The following CCDC198 variants were observed in gnomAD, a reference collection of about 807,000 sequenced individuals.
CCDC198 encodes the protein factor associated with metabolism and energy.
A neutral mutation model predicts 35.6 loss-of-function variants in CCDC198; 18 were observed. That is an observed-to-expected ratio of 0.51 (90% CI 0.35 to 0.75). The LOEUF is 0.75. CCDC198 is among the 30% of genes least tolerant of loss of function. The pLI is 0.01. For missense variants in CCDC198, 365 were observed against 343.7 expected (o/e 1.06, Z -0.49); for synonymous variants, 119 against 113.4 (o/e 1.05, Z -0.31).
intron 5 of CCDC198, among the ~76,000 whole-genome samples, chr14:57,472,994 T>C (rs1240840840): frequency 6.6e-6 from 1 of 152,242 alleles, no homozygotes; most frequent in Non-Finnish European, 1.5e-5. Flanking sequence ...CCTTGATATC[T>C]GAAGTTGTGT....
intron 1 of CCDC198, among the ~76,000 whole-genome samples, chr14:57,492,945 A>T (rs892807154): frequency 7.4e-4 from 112 of 152,230 alleles, no homozygotes; most frequent in African/African-American, 2.5e-3. Context: ...AGTTCTGCAG[A>T]TGACCATGAA....
At chr14:57,492,874 C>T (rs1325615620) in intron 1 of CCDC198, among the ~76,000 whole-genome samples, 2 of 152,056 alleles carry the variant, frequency 1.3e-5, no homozygotes, top group African/African-American at 4.8e-5. Context: ...TATAAAATAT[C>T]CCAGGATTTA....
chr14:57,487,334 A>G (rs529153699), intron 2 of CCDC198, among the ~76,000 whole-genome samples: 1 of 152,180 alleles, frequency 6.6e-6, no homozygotes, highest in African/African-American at 2.4e-5. Flanking sequence ...GTGAAGGGCC[A>G]GGGGACTCAA....
chr14:57,477,405 A>G (rs1416997923), intron 5 of CCDC198, among the ~76,000 whole-genome samples: 5 of 152,350 alleles, frequency 3.3e-5, no homozygotes, highest in African/African-American at 9.6e-5. Flanking sequence ...TGATATCATT[A>G]TAATAGGAAG....
chr14:57,480,731 ACTTTT>A lies in CCDC198; in HGVS notation c.514_518del (p.Lys172SerfsTer8). The A allele has an allele frequency of 6.2e-7, 1 of 1,614,030 alleles. No individual in the cohort carries two copies. The highest frequency in any genetic ancestry group is 8.5e-7 in the Non-Finnish European group (1 of 1,179,966). On this transcript the variant is annotated frameshift_variant, in exon 5 of 6. Transcript: ENST00000216445. LOFTEE classifies it high-confidence loss of function. ...TATTAATTCTTGCCTCTCCATGAAG[ACTTTT>A]CTTTAACTCCATTTGGGCCTGAAAA...
chr14:57,476,982 A>G (rs1000500759), intron 5 of CCDC198, among the ~76,000 whole-genome samples: 4 of 152,252 alleles, frequency 2.6e-5, no homozygotes, highest in Non-Finnish European at 4.4e-5. Flanking sequence ...CTCAGGAGTC[A>G]GGTGCCCCGT....
At chr14:57,493,469 T>C in intron 1 of CCDC198, 24 bp downstream of exon 1, 1 of 1,579,312 alleles carries the variant, frequency 6.3e-7, no homozygotes, top group Non-Finnish European at 8.7e-7. Context: ...GATACACACA[T>C]CTCATGCTGG....
Position 57,473,546 on chromosome 14 carries a change from T to C in CCDC198, c.656-1956A>G, listed in dbSNP as rs559801993. On this transcript the variant is annotated intron_variant, in intron 5 of 5. Coordinates refer to ENST00000216445, the MANE Select transcript of CCDC198 (RefSeq NM_018168.4). ...CACCTGATAATTCTGATCATTCTGT[T>C]TCCTAAAGATCTCATATCTGGCTGC... 5.3e-5 allele frequency among the ~76,000 whole-genome samples: 8 copies of C among 152,286 alleles called. 1 individual carries two copies. Among genetic ancestry groups the C allele is most frequent in the African/African-American group, 1.9e-4 (8 of 41,546 alleles).
intron 5 of CCDC198, chr14:57,475,788 C>CT (rs548486752): frequency 0.033 from 3,545 of 108,518 alleles, 635 homozygotes; most frequent in East Asian, 0.072. Flanking sequence ...CACTTAGCTT[C>CT]TTTTTTTTTT....
chr14:57,488,891 G>A (rs970994933), intron 2 of CCDC198, among the ~76,000 whole-genome samples: 9 of 152,264 alleles, frequency 5.9e-5, no homozygotes, highest in Admixed American at 5.2e-4. Flanking sequence ...TGGAGAGGTT[G>A]CGGAGAAAAA....
intron 3 of CCDC198, among the ~76,000 whole-genome samples, chr14:57,482,545 A>C (rs1313654548): frequency 6.6e-6 from 1 of 152,184 alleles, no homozygotes. Flanking sequence ...TTTCATTTCT[A>C]TGTGAGGGGA....
intron 2 of CCDC198, 114 bp from the exon 3 acceptor site, chr14:57,483,265 G>A: frequency 6.8e-7 from 1 of 1,477,338 alleles, no homozygotes; most frequent in Non-Finnish European, 9.2e-7. Context: ...TTATTTCTGA[G>A]AGCATACAGG....
In CCDC198 at chr14:57,475,304, T is replaced by A. The variant is rs934830082; in HGVS notation, c.656-3714A>T. 147 of 745,238 alleles carry A rather than the reference T, an allele frequency of 2.0e-4. 2 individuals carry two copies. The highest frequency in any genetic ancestry group is 1.8e-4 in the Non-Finnish European group (114 of 619,748). The allele number at this position is 745,238 out of a possible 1,614,324, so 46.2% of individuals were successfully genotyped here. On this transcript the variant is annotated intron_variant, in intron 5 of 5. Coordinates refer to ENST00000216445, the MANE Select transcript of CCDC198 (RefSeq NM_018168.4). ...AATAAATAAATAAATAAATAAAATCTATAAAAAAATAAAATAAAACAAGAT... is the reference window on the plus strand; with the variant it reads ...AATAAATAAATAAATAAATAAAATCAATAAAAAAATAAAATAAAACAAGAT...
At chr14:57,486,480 A>C (rs928758461) in intron 2 of CCDC198, among the ~76,000 whole-genome samples, 1 of 152,148 alleles carries the variant, frequency 6.6e-6, no homozygotes, top group Non-Finnish European at 1.5e-5. Context: ...GATTAAAAAA[A>C]AAAAAAGAAA....
At chr14:57,483,337 T>C (rs2067250003) in intron 2 of CCDC198, 186 bp from the exon 3 acceptor site, 2 of 777,728 alleles carry the variant, frequency 2.6e-6, no homozygotes, top group Non-Finnish European at 4.0e-6. Flanking sequence ...CCTATCTGGG[T>C]TCTTTATTAT....
chr14:57,491,171 A>G, intron 1 of CCDC198, 100 bp from the exon 2 acceptor site: 2 of 1,218,160 alleles, frequency 1.6e-6, no homozygotes, highest in Non-Finnish European at 1.2e-6. Flanking sequence ...ACAATTTTGT[A>G]CCTTTTCAGT....
At chr14:57,489,959 T>A (rs1481054116) in intron 2 of CCDC198, among the ~76,000 whole-genome samples, 1 of 152,146 alleles carries the variant, frequency 6.6e-6, no homozygotes. Context: ...TTCATTTTAT[T>A]TTTCTTTATC....
rs2067127177 is a variant in CCDC198, at chr14:57,479,930, G to A, written c.655+665C>T. On this transcript the variant is annotated intron_variant, in intron 5 of 5. Coordinates refer to ENST00000216445, the MANE Select transcript of CCDC198 (RefSeq NM_018168.4). Reference sequence around the variant, plus strand: ...GCCAAGTCAGGAGGCTGTAGCTGGAGCCCTGGTGTAACAGGACCAGGGCTA... The same window carrying A: ...GCCAAGTCAGGAGGCTGTAGCTGGAACCCTGGTGTAACAGGACCAGGGCTA... Among the ~76,000 whole-genome samples the A allele has an allele frequency of 2.6e-5, 4 of 152,130 alleles. No individual in the cohort carries two copies. The South Asian group carries it at 8.3e-4, about 32-fold the overall frequency.
intron 3 of CCDC198, 36 bp downstream of exon 3, chr14:57,483,029 A>T: frequency 6.2e-7 from 1 of 1,613,508 alleles, no homozygotes; most frequent in Non-Finnish European, 8.5e-7. Context: ...GCCCACCCCC[A>T]GTTCACCTCC....
Sources: allele counts gnomAD v4.1 joint callset (sites outside exome capture counted in the v4.1 genomes callset), GRCh38; gene constraint gnomAD v4.1.1; transcripts MANE v1.5; gene names NCBI Gene and HGNC (gene_info 2026-07-23, HGNC 2026-07-21).